The following APOOL variants were observed in gnomAD, a reference collection of about 807,000 sequenced individuals.
The protein encoded by APOOL is MICOS complex subunit MIC27.
A neutral mutation model predicts 23.1 loss-of-function variants in APOOL; 12 were observed. That is an observed-to-expected ratio of 0.52 (90% CI 0.33 to 0.84). APOOL has a LOEUF of 0.84. Among genes scored for constraint, APOOL ranks in the 40% least tolerant of loss-of-function variants. The pLI is 0.02. For missense variants in APOOL, 212 were observed against 199.6 expected (o/e 1.06, Z -0.37); for synonymous variants, 77 against 69.9 (o/e 1.10, Z -0.51).
intron 8 of APOOL, among the ~76,000 whole-genome samples, chrX:85,080,649 T>C (rs980247708): frequency 1.8e-5 from 2 of 111,586 alleles, no homozygotes; most frequent in Non-Finnish European, 1.9e-5. Context: ...ATATCCTTGT[T>C]AACCTTCTGT....
At position 85,036,717 on chromosome X, in the gene APOOL, A is replaced by G. The variant is rs926058002; in HGVS notation, c.16-9729A>G. ...ATTTTATTTTTAAAATTTTATTTCAATAGTTTTGGGGGAGCAAGTGGTTTT... is the reference window on the plus strand; with the variant it reads ...ATTTTATTTTTAAAATTTTATTTCAGTAGTTTTGGGGGAGCAAGTGGTTTT... On this transcript the variant is annotated intron_variant, in intron 1 of 8. Transcript: ENST00000373173. Among the ~76,000 whole-genome samples, 9 of 111,106 alleles carry G rather than the reference A, an allele frequency of 8.1e-5. No individual in the cohort carries two copies. In the East Asian group the frequency reaches 1.1e-3, roughly 14 times the overall value.
At chrX:85,074,194 G>T (rs1392989741) in intron 7 of APOOL, 80 bp from the exon 8 acceptor site, 3 of 1,162,868 alleles carry the variant, frequency 2.6e-6, no homozygotes, top group Non-Finnish European at 2.3e-6. Context: ...CTGGACAGAG[G>T]TCGAGGATAA....
At chrX:85,015,845 G>A (rs1005797430) in intron 1 of APOOL, among the ~76,000 whole-genome samples, 3 of 111,488 alleles carry the variant, frequency 2.7e-5, no homozygotes, top group East Asian at 2.8e-4. Flanking sequence ...TGGGATTACC[G>A]GCATGAGCCA....
chrX:85,025,945 A>G (rs184098050), intron 1 of APOOL, among the ~76,000 whole-genome samples: 3 of 112,245 alleles, frequency 2.7e-5, no homozygotes, highest in African/African-American at 9.7e-5. Flanking sequence ...TTGGGGACCA[A>G]CCCTTGGCAC....
rs371214479 is a variant in APOOL, at chrX:85,083,741, T to G, written c.719-3849T>G. Among the ~76,000 whole-genome samples the G allele has an allele frequency of 1.3e-4, 14 of 111,982 alleles. No homozygotes were observed. In the South Asian group the frequency reaches 1.9e-3, roughly 15 times the overall value. ...CAGCAATTTATTAGTTATCTGTCCT[T>G]TTTTTTGTAACTAACTTGCTTAAAA... On this transcript the variant is annotated intron_variant, in intron 8 of 8. Coordinates refer to ENST00000373173, the MANE Select transcript of APOOL (RefSeq NM_198450.6).
At chrX:85,064,967 T>C (rs1049859336) in intron 5 of APOOL, among the ~76,000 whole-genome samples, 3 of 111,453 alleles carry the variant, frequency 2.7e-5, no homozygotes, top group African/African-American at 9.8e-5. Context: ...CTTTCTGATA[T>C]TGACAGTGGG....
At chrX:85,013,940 T>C (rs1921375206) in intron 1 of APOOL, among the ~76,000 whole-genome samples, 1 of 111,517 alleles carries the variant, frequency 9.0e-6, no homozygotes, top group African/African-American at 3.3e-5. Flanking sequence ...CCTACTATTA[T>C]TGTGTTGCTG....
intron 5 of APOOL, among the ~76,000 whole-genome samples, chrX:85,063,621 T>A (rs1490501842): frequency 1.8e-5 from 2 of 111,530 alleles, no homozygotes; most frequent in African/African-American, 6.5e-5. Flanking sequence ...ATTCAGATAA[T>A]CATGTGGTTT....
At chrX:85,069,751 A>G (rs1050491998) in intron 6 of APOOL, among the ~76,000 whole-genome samples, 1 of 109,834 alleles carries the variant, frequency 9.1e-6, no homozygotes, top group African/African-American at 3.3e-5. Context: ...GTCTTCTACA[A>G]TTTCCAGATT....
intron 8 of APOOL, among the ~76,000 whole-genome samples, chrX:85,086,951 G>A (rs1197203040): frequency 1.8e-5 from 2 of 110,133 alleles, no homozygotes; most frequent in East Asian, 2.9e-4. Flanking sequence ...CGCCCGTCTC[G>A]GCCTCCCAAA....
At chrX:85,074,776 A>G (rs1290845981) in intron 8 of APOOL, among the ~76,000 whole-genome samples, 2 of 110,857 alleles carry the variant, frequency 1.8e-5, no homozygotes, top group African/African-American at 6.5e-5. Context: ...CTATTTACCT[A>G]TCAGTCTCCC....
intron 6 of APOOL, among the ~76,000 whole-genome samples, chrX:85,069,388 A>G (rs908884657): frequency 2.7e-5 from 3 of 110,458 alleles, no homozygotes; most frequent in Non-Finnish European, 5.7e-5. Flanking sequence ...ATTTTACTTG[A>G]AATTAAAACA....
chrX:85,050,758 T>TG (rs759735558), intron 2 of APOOL, among the ~76,000 whole-genome samples: 97 of 110,542 alleles, frequency 8.8e-4, no homozygotes, highest in African/African-American at 3.0e-3. Flanking sequence ...AATATGATGA[T>TG]GATAATGATG....
At chrX:85,072,001 G>A (rs896009138) in intron 6 of APOOL, among the ~76,000 whole-genome samples, 2 of 111,782 alleles carry the variant, frequency 1.8e-5, no homozygotes, top group Non-Finnish European at 3.8e-5. Flanking sequence ...CCAGCTACTC[G>A]GGAAGCTGAG....
chrX:85,080,676 A>C lies in APOOL; in HGVS notation c.718+6285A>C, dbSNP rs145490467. ...ACCTTCTGTGTCATTGATCTGTCTAATATTGACAGTGGGGTGTTAAAGTCT... is the reference window on the plus strand; with the variant it reads ...ACCTTCTGTGTCATTGATCTGTCTACTATTGACAGTGGGGTGTTAAAGTCT... On this transcript the variant is annotated intron_variant, in intron 8 of 8. Coordinates refer to ENST00000373173, the MANE Select transcript of APOOL (RefSeq NM_198450.6). Among the ~76,000 whole-genome samples the C allele has an allele frequency of 7.7e-3, 855 of 111,198 alleles. 10 individuals are homozygous for C. Among genetic ancestry groups the C allele is most frequent in the African/African-American group, 0.026 (797 of 30,630 alleles).
intron 8 of APOOL, among the ~76,000 whole-genome samples, chrX:85,076,358 A>T (rs1249456835): frequency 9.2e-6 from 1 of 109,175 alleles, no homozygotes; most frequent in Non-Finnish European, 1.9e-5. Flanking sequence ...AACAGTAGTG[A>T]TTGTGAGCAC....
chrX:85,062,337 T>C (rs1204964497), intron 5 of APOOL, among the ~76,000 whole-genome samples: 1 of 111,823 alleles, frequency 8.9e-6, no homozygotes, highest in African/African-American at 3.2e-5. Context: ...ACTCTGATGA[T>C]GGTTCCTTTT....
At chrX:85,070,825 A>T (rs1923641674) in intron 6 of APOOL, among the ~76,000 whole-genome samples, 1 of 110,895 alleles carries the variant, frequency 9.0e-6, no homozygotes, top group South Asian at 3.8e-4. Context: ...TGTCCAAAAA[A>T]AAAAAAAATG....
Position 85,087,831 on chromosome X carries a change from T to G in APOOL, c.*153T>G. On this transcript the variant is annotated 3_prime_UTR_variant, in exon 9 of 9. Transcript: ENST00000373173. ...ATTTCCAAATATGCCATTTGATAAATTACATAAGTGGTTAACACACAAACT... is the reference window on the plus strand; with the variant it reads ...ATTTCCAAATATGCCATTTGATAAAGTACATAAGTGGTTAACACACAAACT... 2.3e-6 allele frequency: 1 copy of G among 442,397 alleles called. No homozygotes were observed. The allele number at this position is 442,397 out of a possible 1,213,427, so 36.5% of individuals were successfully genotyped here.
Sources: allele counts gnomAD v4.1 joint callset (sites outside exome capture counted in the v4.1 genomes callset), GRCh38; gene constraint gnomAD v4.1.1; transcripts MANE v1.5; gene names NCBI Gene and HGNC (gene_info 2026-07-23, HGNC 2026-07-21).